The following CDH6 variants were observed in gnomAD, a reference collection of about 807,000 sequenced individuals.
The protein encoded by CDH6 is cadherin-6.
Under a neutral mutation model 78.0 loss-of-function variants are expected in CDH6, and 31 were observed. The observed-to-expected ratio is 0.40, with a 90% CI of 0.30 to 0.54. CDH6 has a LOEUF of 0.54. Ranked by LOEUF, CDH6 falls within the 20% of genes least tolerant of loss-of-function variation. CDH6 has a pLI of 0.56. For missense variants in CDH6, 724 were observed against 975.9 expected (o/e 0.74, Z 3.44); for synonymous variants, 376 against 368.8 (o/e 1.02, Z -0.23).
chr5:31,225,630 G>A (rs1741131866), intron 1 of CDH6, among the ~76,000 whole-genome samples: 1 of 152,052 alleles, frequency 6.6e-6, no homozygotes, highest in African/African-American at 2.4e-5. Context: ...CTTTTAAACA[G>A]CCAGATTGTG....
chr5:31,286,713 T>C (rs777554010), intron 2 of CDH6, among the ~76,000 whole-genome samples: 8 of 152,038 alleles, frequency 5.3e-5, no homozygotes, highest in Non-Finnish European at 1.0e-4. Flanking sequence ...TCAGAGTTGG[T>C]GTTGTTCTTA....
At chr5:31,256,913 GGAATAGCTT>G (rs1742070915) in intron 1 of CDH6, among the ~76,000 whole-genome samples, 2 of 152,242 alleles carry the variant, frequency 1.3e-5, no homozygotes, top group South Asian at 2.1e-4. Flanking sequence ...CGAGAGAGGT[GGAATAGCTT>G]GTCTGAGATC....
chr5:31,242,296 T>C (rs573278324), intron 1 of CDH6, among the ~76,000 whole-genome samples: 1 of 152,300 alleles, frequency 6.6e-6, no homozygotes, highest in East Asian at 1.9e-4. Flanking sequence ...CATTGAGCTC[T>C]AGATTGAGCT....
intron 5 of CDH6, 59 bp downstream of exon 5, chr5:31,299,690 A>C (rs1335091635): frequency 7.0e-7 from 1 of 1,438,318 alleles, no homozygotes; most frequent in Non-Finnish European, 9.7e-7. Flanking sequence ...TCGAACTTTA[A>C]GAATTTTTAT....
chr5:31,238,845 CCTAA>C (rs1741522547), intron 1 of CDH6, among the ~76,000 whole-genome samples: 1 of 152,138 alleles, frequency 6.6e-6, no homozygotes, highest in Non-Finnish European at 1.5e-5. Flanking sequence ...TCAGCTTTTT[CCTAA>C]CTTTGTTCTT....
At chr5:31,225,411 T>C (rs944327001) in intron 1 of CDH6, among the ~76,000 whole-genome samples, 56 of 152,310 alleles carry the variant, frequency 3.7e-4, no homozygotes, top group Middle Eastern at 3.4e-3. Context: ...TCTGTATTAG[T>C]CATTCCCGCA....
In CDH6 at chr5:31,243,965, T is replaced by C. The variant is rs149690077; in HGVS notation, c.-128-23381T>C. ...GAATTTGAGACAGTTTTAAAGTTCATTTGTTTTTATGACAATTTCAGGCCA... is the reference window on the plus strand; with the variant it reads ...GAATTTGAGACAGTTTTAAAGTTCACTTGTTTTTATGACAATTTCAGGCCA... On this transcript the variant is annotated intron_variant, in intron 1 of 11. Transcript: ENST00000265071. Among the ~76,000 whole-genome samples, 160 of 152,358 alleles carry C rather than the reference T, an allele frequency of 1.1e-3. 1 individual carries two copies. The highest frequency in any genetic ancestry group is 3.5e-3 in the African/African-American group (144 of 41,586).
intron 1 of CDH6, among the ~76,000 whole-genome samples, chr5:31,196,224 A>G (rs1406871647): frequency 2.0e-5 from 3 of 152,232 alleles, no homozygotes; most frequent in Admixed American, 2.0e-4. Flanking sequence ...GAAAAAATGT[A>G]CCTTGCAAAA....
intron 11 of CDH6, 43 bp downstream of exon 11, chr5:31,317,967 G>T: frequency 1.9e-6 from 3 of 1,601,248 alleles, no homozygotes; most frequent in Non-Finnish European, 2.5e-6. Flanking sequence ...ATGGTGAGGG[G>T]CTCACACTGT....
At chr5:31,201,286 G>A (rs1740342157) in intron 1 of CDH6, among the ~76,000 whole-genome samples, 1 of 152,082 alleles carries the variant, frequency 6.6e-6, no homozygotes, top group Non-Finnish European at 1.5e-5. Context: ...TCAAAATATT[G>A]ACCATTGCTA....
At chr5:31,248,537 G>A (rs1741821084) in intron 1 of CDH6, among the ~76,000 whole-genome samples, 1 of 152,114 alleles carries the variant, frequency 6.6e-6, no homozygotes, top group African/African-American at 2.4e-5. Flanking sequence ...TTAAGGACTT[G>A]TTTTAGACTC....
chr5:31,209,745 G>C (rs534211529), intron 1 of CDH6, among the ~76,000 whole-genome samples: 6 of 152,066 alleles, frequency 3.9e-5, no homozygotes, highest in African/African-American at 1.4e-4. Context: ...GGCTGCAATC[G>C]ATCTGTTAGA....
At chr5:31,210,853 G>A (rs758292907) in intron 1 of CDH6, among the ~76,000 whole-genome samples, 10 of 151,990 alleles carry the variant, frequency 6.6e-5, no homozygotes, top group Non-Finnish European at 1.3e-4. Flanking sequence ...ATGATTGGTG[G>A]AATCTGTGGA....
rs532699956 is a variant in CDH6, at chr5:31,199,506, A to G, written c.-129+5620A>G. Reference sequence around the variant, plus strand: ...TATATATGTACACACACATATGTGTATATATATGTACACACACATATGTGT... The same window carrying G: ...TATATATGTACACACACATATGTGTGTATATATGTACACACACATATGTGT... On this transcript the variant is annotated intron_variant, in intron 1 of 11. Coordinates refer to ENST00000265071, the MANE Select transcript of CDH6 (RefSeq NM_004932.4). 3.9e-3 allele frequency among the ~76,000 whole-genome samples: 330 copies of G among 85,562 alleles called. 4 individuals are homozygous for G. The highest frequency in any genetic ancestry group is 0.028 in the Middle Eastern group (4 of 142). 56.1% of individuals were successfully genotyped at this position (85,562 alleles called of 152,430 possible). A position where few individuals can be genotyped will look rare whatever the true frequency, so the allele number is the denominator to read the frequency against.
chr5:31,314,273 A>G (rs991183642), intron 8 of CDH6, among the ~76,000 whole-genome samples: 3 of 149,470 alleles, frequency 2.0e-5, no homozygotes, highest in African/African-American at 7.3e-5. Context: ...TACATTAGGT[A>G]TATCTCCTAA....
At chr5:31,306,958 G>A (rs949742654) in intron 7 of CDH6, among the ~76,000 whole-genome samples, 3 of 152,126 alleles carry the variant, frequency 2.0e-5, no homozygotes, top group African/African-American at 7.2e-5. Context: ...TGTTGATGCT[G>A]GGGGAAGAAC....
Position 31,292,766 on chromosome 5 carries a change from C to CGTGT in CDH6, c.229-1191_229-1188dup, listed in dbSNP as rs148045734. Reference sequence around the variant, plus strand: ...GACTGAATATATATATATATATGTGCGTGTGTGTATGTGTGTATATGTATA... The same window carrying CGTGT: ...GACTGAATATATATATATATATGTGCGTGTGTGTGTGTATGTGTGTATATGTATA... On this transcript the variant is annotated intron_variant, in intron 2 of 11. Coordinates refer to ENST00000265071, the MANE Select transcript of CDH6 (RefSeq NM_004932.4). Among the ~76,000 whole-genome samples, 429 of 147,040 alleles carry CGTGT rather than the reference C, an allele frequency of 2.9e-3. 8 individuals carry two copies. Among genetic ancestry groups the CGTGT allele is most frequent in the African/African-American group, 9.8e-3 (388 of 39,486 alleles).
At chr5:31,199,685 G>GTGTGTGTATATA (rs796740950) in intron 1 of CDH6, among the ~76,000 whole-genome samples, 18 of 79,854 alleles carry the variant, frequency 2.3e-4, no homozygotes, top group African/African-American at 6.6e-4. Flanking sequence ...GTGTGTGTGT[G>GTGTGTGTATATA]TATATATATA....
Position 31,305,458 on chromosome 5 carries a change from A to G in CDH6, c.1253+31A>G, listed in dbSNP as rs377056694. Reference sequence around the variant, plus strand: ...CACACTTCTGCGACATGTCTCTTTCATAAGCTTCAGTCAATTTATATTCAA... The same window carrying G: ...CACACTTCTGCGACATGTCTCTTTCGTAAGCTTCAGTCAATTTATATTCAA... On this transcript the variant is annotated intron_variant, in intron 7 of 11. Transcript: ENST00000265071. The G allele has an allele frequency of 1.3e-4, 209 of 1,590,566 alleles. 1 individual carries two copies. In the African/African-American group the frequency reaches 2.7e-3, roughly 20 times the overall value.
Sources: allele counts gnomAD v4.1 joint callset (sites outside exome capture counted in the v4.1 genomes callset), GRCh38; gene constraint gnomAD v4.1.1; transcripts MANE v1.5; gene names NCBI Gene and HGNC (gene_info 2026-07-23, HGNC 2026-07-21).